Variants in PDE5A observed in about 807,000 individuals in gnomAD.
PDE5A encodes the protein cGMP-specific 3',5'-cyclic phosphodiesterase.
Under a neutral mutation model 110.2 loss-of-function variants are expected in PDE5A, and 67 were observed. That is an observed-to-expected ratio of 0.61 (90% CI 0.50 to 0.75). The LOEUF (loss-of-function observed/expected upper bound fraction) is 0.75. PDE5A is among the 30% of genes least tolerant of loss of function. The pLI is 0.00. For missense variants in PDE5A, 862 were observed against 1,045.1 expected (o/e 0.82, Z 2.42); for synonymous variants, 328 against 351.2 (o/e 0.93, Z 0.74).
At chr4:119,501,082 A>G (rs1193528592) in intron 20 of PDE5A, 88 bp downstream of exon 20, 3 of 750,414 alleles carry the variant, frequency 4.0e-6, no homozygotes, top group Admixed American at 2.4e-5. Context: ...GAAGCAAAAT[A>G]TAGGCGCCTA....
chr4:119,518,274 T>G (rs1308954714), intron 14 of PDE5A, among the ~76,000 whole-genome samples: 5 of 152,212 alleles, frequency 3.3e-5, no homozygotes, highest in Non-Finnish European at 4.4e-5. Context: ...ACCTTTCAAC[T>G]AAATTCCTGT....
At chr4:119,594,108 C>T (rs2389866) in intron 3 of PDE5A, among the ~76,000 whole-genome samples, 117,901 of 152,046 alleles carry the variant, frequency 0.78, 45,872 homozygotes, top group East Asian at 0.89. Context: ...TGTCAGTACG[C>T]GAATTATATC....
chr4:119,613,002 C>T (rs1408548832), intron 1 of PDE5A, among the ~76,000 whole-genome samples: 1 of 152,122 alleles, frequency 6.6e-6, no homozygotes, highest in African/African-American at 2.4e-5. Context: ...CAGATACTCA[C>T]AAAGAGAATA....
At chr4:119,539,245 T>A in intron 10 of PDE5A, 1 of 459,626 alleles carries the variant, frequency 2.2e-6, no homozygotes, top group Middle Eastern at 5.9e-4. Flanking sequence ...AAGAAAACTC[T>A]TGTAACTTCC....
intron 14 of PDE5A, among the ~76,000 whole-genome samples, chr4:119,513,761 A>G (rs968218138): frequency 1.1e-4 from 16 of 152,190 alleles, no homozygotes; most frequent in African/African-American, 3.9e-4. Context: ...TGGACTACGA[A>G]ATGCAATTAG....
chr4:119,575,230 A>G (rs938668064), intron 3 of PDE5A, among the ~76,000 whole-genome samples: 5 of 152,346 alleles, frequency 3.3e-5, no homozygotes, highest in Non-Finnish European at 5.9e-5. Context: ...TGAAAGTGAC[A>G]GGGAGAATAG....
intron 9 of PDE5A, among the ~76,000 whole-genome samples, chr4:119,546,820 A>C (rs1727145623): frequency 6.6e-6 from 1 of 151,968 alleles, no homozygotes; most frequent in Non-Finnish European, 1.5e-5. Flanking sequence ...TTTCTGGCCA[A>C]GTTTATTCTT....
chr4:119,583,371 T>C (rs1728653361), intron 3 of PDE5A, among the ~76,000 whole-genome samples: 1 of 152,226 alleles, frequency 6.6e-6, no homozygotes. Context: ...TCACTCTGGA[T>C]TGGGCTTTGG....
chr4:119,552,649 T>C lies in PDE5A; in HGVS notation c.1309-12A>G, dbSNP rs759837546. On this transcript the variant is annotated splice_polypyrimidine_tract_variant and intron_variant, in intron 8 of 20. Coordinates refer to ENST00000354960, the MANE Select transcript of PDE5A (RefSeq NM_001083.4). ...CCTGTATTTTCAGTCTAAACAAAAATAAAAAGAACAAAACAGCTAAAATGG... is the reference window on the plus strand; with the variant it reads ...CCTGTATTTTCAGTCTAAACAAAAACAAAAAGAACAAAACAGCTAAAATGG... 3 of 1,444,398 alleles carry C rather than the reference T, an allele frequency of 2.1e-6. No homozygotes were observed. Among genetic ancestry groups the C allele is most frequent in the African/African-American group, 1.4e-5 (1 of 69,182 alleles). 89.5% of individuals were successfully genotyped at this position (1,444,398 alleles called of 1,614,324 possible).
At chr4:119,571,996 A>C (rs1256792158) in intron 3 of PDE5A, among the ~76,000 whole-genome samples, 1 of 152,132 alleles carries the variant, frequency 6.6e-6, no homozygotes, top group Admixed American at 6.5e-5. Context: ...CACACTCTCA[A>C]CTTAACTATA....
At chr4:119,600,530 C>A (rs1006115003) in intron 2 of PDE5A, among the ~76,000 whole-genome samples, 2 of 151,582 alleles carry the variant, frequency 1.3e-5, no homozygotes, top group African/African-American at 4.9e-5. Flanking sequence ...GGCTAGGGCA[C>A]GGAAAGTGTA....
At position 119,511,062 on chromosome 4, in the gene PDE5A, C is replaced by A; in HGVS notation, c.2073G>T (p.Met691Ile). Reference sequence around the variant, plus strand: ...AGGTACTTACTGGACTATTAAGAATCATCAGGCACTGGTCAAAATGATGGT... The same window carrying A: ...AGGTACTTACTGGACTATTAAGAATAATCAGGCACTGGTCAAAATGATGGT... ...MEHHHFDQCL[M>I]ILNSPGNQIL... The change falls in exon 15 of 21, where the codon ATG (methionine) becomes ATT (isoleucine). Residue 691 changes from methionine (M) to isoleucine (I), a missense_variant. By Grantham distance (10) the Met-to-Ile change is conservative (BLOSUM62 1). Coordinates refer to ENST00000354960, the MANE Select transcript of PDE5A (RefSeq NM_001083.4). 6.3e-7 allele frequency: 1 copy of A among 1,598,962 alleles called. No individual in the cohort carries two copies. The highest frequency in any genetic ancestry group is 8.6e-7 in the Non-Finnish European group (1 of 1,167,206).
rs1462323211 is a variant in PDE5A at position 119,496,252 on chromosome 4, CAG to C, written c.*2347_*2348del. On this transcript the variant is annotated 3_prime_UTR_variant, in exon 21 of 21. Coordinates refer to ENST00000354960, the MANE Select transcript of PDE5A (RefSeq NM_001083.4). Reference sequence around the variant, plus strand: ...TTGCTAGTTATGGGTAATATAAATACAGAGTAAGGTGAAGGAGGACTGTATGT... The same window carrying C: ...TTGCTAGTTATGGGTAATATAAATACAGTAAGGTGAAGGAGGACTGTATGT... 6.6e-6 allele frequency: 1 copy of C among 151,966 alleles called. No individual in the cohort carries two copies. The highest frequency in any genetic ancestry group is 1.5e-5 in the Non-Finnish European group (1 of 67,996). The allele number at this position is 151,966 out of a possible 1,614,324, so 9.4% of individuals were successfully genotyped here.
At chr4:119,615,148 C>A (rs1165188547) in intron 1 of PDE5A, among the ~76,000 whole-genome samples, 1 of 152,134 alleles carries the variant, frequency 6.6e-6, no homozygotes, top group Non-Finnish European at 1.5e-5. Context: ...GACTCCCCAC[C>A]ACAGTTTGCA....
At chr4:119,539,101 T>G in intron 10 of PDE5A, 82 bp from the exon 11 acceptor site, 1 of 1,047,974 alleles carries the variant, frequency 9.5e-7, no homozygotes, top group South Asian at 1.3e-5. Context: ...GGAATTCTGC[T>G]AAGTCTTCTT....
intron 5 of PDE5A, among the ~76,000 whole-genome samples, chr4:119,563,467 T>C (rs563194345): frequency 6.6e-5 from 10 of 152,292 alleles, no homozygotes; most frequent in African/African-American, 2.2e-4. Context: ...TTTGTGTTTT[T>C]TTCTGGTAGA....
At chr4:119,508,554 A>T (rs1417312505) in intron 15 of PDE5A, among the ~76,000 whole-genome samples, 1 of 152,002 alleles carries the variant, frequency 6.6e-6, no homozygotes, top group Admixed American at 6.6e-5. Flanking sequence ...ACTTCTGGGT[A>T]TGTTAGGCTG....
At chr4:119,598,931 A>T (rs1729246892) in intron 2 of PDE5A, among the ~76,000 whole-genome samples, 1 of 152,178 alleles carries the variant, frequency 6.6e-6, no homozygotes. Flanking sequence ...AACCTAAAGG[A>T]CTAGCAAAAA....
intron 2 of PDE5A, among the ~76,000 whole-genome samples, chr4:119,605,777 T>A (rs896511020): frequency 6.6e-6 from 1 of 152,218 alleles, no homozygotes; most frequent in African/African-American, 2.4e-5. Context: ...CATGTACTAT[T>A]ATTTTAATTC....
Sources: gnomAD v4.1 joint callset for allele counts (sites outside exome capture counted in the v4.1 genomes callset) on GRCh38, gnomAD v4.1.1 for gene constraint, MANE v1.5 for transcripts, NCBI Gene and HGNC (gene_info 2026-07-23, HGNC 2026-07-21) for gene names.